NEK8: variants seen among roughly 807,000 people sequenced by gnomAD.
NEK8 encodes NIMA related kinase 8.
Under a neutral mutation model 77.2 loss-of-function variants are expected in NEK8, and 51 were observed. The observed-to-expected ratio is 0.66, with a 90% CI of 0.53 to 0.83. NEK8 has a LOEUF of 0.83. Among genes scored for constraint, NEK8 ranks in the 40% least tolerant of loss-of-function variants. NEK8 has a pLI of 0.00. For missense variants in NEK8, 787 were observed against 909.2 expected (o/e 0.87, Z 1.73); for synonymous variants, 365 against 363.2 (o/e 1.00, Z -0.06).
rs763288569 is a variant in NEK8 at position 28,741,445 on chromosome 17, C to T, written c.1924C>T (p.Arg642Ter). ...AGTGTACTCTTGGGGCAAAGGGGCG[C>T]GAGGTCGATTGGGAAGGAGGGATGA... is the stretch of plus-strand genomic sequence containing the variant. The part of the protein sequence containing the change: ...SEVYSWGKGA[R>*]GRLGRRDEDA... The change falls in exon 14 of 15, where the codon CGA (arginine) becomes TGA (stop). Residue 642 changes from arginine (R) to a stop codon, truncating the protein, a stop_gained. Coordinates refer to ENST00000268766, the MANE Select transcript of NEK8 (RefSeq NM_178170.3). LOFTEE classifies it high-confidence loss of function. The surrounding 1 kb of genome is among the most constrained non-coding windows in gnomAD (Gnocchi z 4.5). The T allele has an allele frequency of 4.3e-6, 7 of 1,613,932 alleles. No homozygotes were observed. In the East Asian group the frequency reaches 6.7e-5, roughly 15 times the overall value.
chr17:28,741,609 G>C lies in NEK8; in HGVS notation c.2050+38G>C, dbSNP rs576349726. 1.9e-6 allele frequency: 3 copies of C among 1,609,862 alleles called. No individual in the cohort carries two copies. The highest frequency in any genetic ancestry group is 2.2e-5 in the East Asian group (1 of 44,874). Reference sequence around the variant, plus strand: ...TTTTCCCACTTCACCACACAGCCCAGCTGGCCCCTGTCCACACTCCCATCC... The same window carrying C: ...TTTTCCCACTTCACCACACAGCCCACCTGGCCCCTGTCCACACTCCCATCC... On this transcript the variant is annotated intron_variant, in intron 14 of 14. Coordinates refer to ENST00000268766, the MANE Select transcript of NEK8 (RefSeq NM_178170.3). The surrounding 1 kb of genome is among the most constrained non-coding windows in gnomAD (Gnocchi z 4.5).
rs766436315 is a variant in NEK8, at chr17:28,741,279, T to TG, written c.1891+49dup. ...TGGGGGCAGACAGTGCCATGAGCAG[T>TG]GGGGGGTGGGGGTTGCTATTCAGGG... On this transcript the variant is annotated intron_variant, in intron 13 of 14. Transcript: ENST00000268766. This position sits in a 1 kb window ranked among gnomAD's most constrained non-coding sequence, Gnocchi z 4.5. The TG allele has an allele frequency of 3.6e-6, 5 of 1,395,260 alleles. No homozygotes were observed. Among genetic ancestry groups the TG allele is most frequent in the Non-Finnish European group, 3.9e-6 (4 of 1,014,208 alleles). The allele number at this position is 1,395,260 out of a possible 1,614,324, so 86.4% of individuals were successfully genotyped here.
At chr17:28,728,918 T>C (rs1057187855) in intron 1 of NEK8, 58 bp downstream of exon 1, 1 of 1,463,390 alleles carries the variant, frequency 6.8e-7, no homozygotes, top group Non-Finnish European at 9.4e-7. Flanking sequence ...AAGCCCCAAT[T>C]CCGCCCGCGA....
At chr17:28,728,968 C>T (rs2034278431) in intron 1 of NEK8, 108 bp downstream of exon 1, 2 of 1,066,160 alleles carry the variant, frequency 1.9e-6, no homozygotes, top group Admixed American at 4.0e-5. Flanking sequence ...GCGTGAGCGC[C>T]ACTCTGGGAA....
At chr17:28,736,461 A>C (rs923771753) in intron 4 of NEK8, among the ~76,000 whole-genome samples, 5 of 152,188 alleles carry the variant, frequency 3.3e-5, no homozygotes, top group Non-Finnish European at 5.9e-5. Context: ...TTTAAAGATC[A>C]CCATTCTAAC....
rs1371621146 is a variant in NEK8 at position 28,734,426 on chromosome 17, T to C, written c.253+238T>C. On this transcript the variant is annotated intron_variant, in intron 2 of 14. Coordinates refer to ENST00000268766, the MANE Select transcript of NEK8 (RefSeq NM_178170.3). ...GGCTCATGCCTGTAATCTCAGCACTTTGGGAGGCCAACGCCGAGGCGGGCG... is the reference window on the plus strand; with the variant it reads ...GGCTCATGCCTGTAATCTCAGCACTCTGGGAGGCCAACGCCGAGGCGGGCG... 5.1e-6 allele frequency: 3 copies of C among 585,134 alleles called. No homozygotes were observed. The African/African-American group carries it at 5.6e-5, about 11-fold the overall frequency. The allele number at this position is 585,134 out of a possible 1,614,324, so 36.2% of individuals were successfully genotyped here.
At chr17:28,732,441 A>G (rs565895541) in intron 1 of NEK8, among the ~76,000 whole-genome samples, 1 of 152,022 alleles carries the variant, frequency 6.6e-6, no homozygotes, top group Non-Finnish European at 1.5e-5. Context: ...GGCTGTAGAG[A>G]GGGCACAGAG....
In NEK8 at chr17:28,741,602, C is replaced by T. The variant is rs760788445; in HGVS notation, c.2050+31C>T. On this transcript the variant is annotated intron_variant, in intron 14 of 14. Coordinates refer to ENST00000268766, the MANE Select transcript of NEK8 (RefSeq NM_178170.3). This position sits in a 1 kb window ranked among gnomAD's most constrained non-coding sequence, Gnocchi z 4.5. ...TTGTAACTTTTCCCACTTCACCACA[C>T]AGCCCAGCTGGCCCCTGTCCACACT... The T allele has an allele frequency of 6.2e-7, 1 of 1,612,648 alleles. No individual in the cohort carries two copies. The highest frequency in any genetic ancestry group is 8.5e-7 in the Non-Finnish European group (1 of 1,179,204).
Position 28,741,111 on chromosome 17 carries a change from A to ACTTTTG in NEK8, c.1766_1767insCTTTTG (p.Gln589delinsHisPheTrp). The ACTTTTG allele has an allele frequency of 6.2e-7, 1 of 1,614,200 alleles. No individual in the cohort carries two copies. Among genetic ancestry groups the ACTTTTG allele is most frequent in the Non-Finnish European group, 8.5e-7 (1 of 1,180,036 alleles). On this transcript the variant is annotated protein_altering_variant, in exon 13 of 15. Coordinates refer to ENST00000268766, the MANE Select transcript of NEK8 (RefSeq NM_178170.3). The surrounding 1 kb of genome is among the most constrained non-coding windows in gnomAD (Gnocchi z 4.5). ...GATTGCTACACTTTTGGCAGCAATCAGCACGGACAGTTGGGCACCAATACT... is the reference window on the plus strand; with the variant it reads ...GATTGCTACACTTTTGGCAGCAATCACTTTTGGCACGGACAGTTGGGCACCAATACT...
rs1333434155 is a variant in NEK8 at position 28,742,774 on chromosome 17, A to C, written c.*787A>C. On this transcript the variant is annotated 3_prime_UTR_variant, in exon 15 of 15. Transcript: ENST00000268766. The stretch of plus-strand genomic sequence containing the variant: ...GACCGCTGTCTCCACCAAAAAAAAA[A>C]AAAAAGAAGAAAATAAGGCTGGGTG... 6.6e-6 allele frequency: 1 copy of C among 151,692 alleles called. No individual in the cohort carries two copies. The highest frequency in any genetic ancestry group is 1.5e-5 in the Non-Finnish European group (1 of 68,044). The allele number at this position is 151,692 out of a possible 1,614,324, so 9.4% of individuals were successfully genotyped here. A position where few individuals can be genotyped will look rare whatever the true frequency, so the allele number is the denominator to read the frequency against.
At position 28,740,428 on chromosome 17, in the gene NEK8, G is replaced by C; in HGVS notation, c.1418-35G>C. The C allele has an allele frequency of 1.2e-6, 2 of 1,612,202 alleles. No homozygotes were observed. The highest frequency in any genetic ancestry group is 1.7e-6 in the Non-Finnish European group (2 of 1,178,354). ...TCATTCGGGCATCACCCCCACTAAA[G>C]CTCAAATTAACTCCTTCTGGGTTTC... On this transcript the variant is annotated intron_variant, in intron 10 of 14. Coordinates refer to ENST00000268766, the MANE Select transcript of NEK8 (RefSeq NM_178170.3). This position sits in a 1 kb window ranked among gnomAD's most constrained non-coding sequence, Gnocchi z 4.7.
At chr17:28,735,102 T>G in intron 3 of NEK8, 98 bp downstream of exon 3, 2 of 1,526,146 alleles carry the variant, frequency 1.3e-6, no homozygotes, top group Non-Finnish European at 1.8e-6. Context: ...CCTTGGCCCT[T>G]TGGCCCCTGT....
intron 1 of NEK8, among the ~76,000 whole-genome samples, chr17:28,729,700 G>C (rs2034288417): frequency 6.6e-6 from 1 of 151,058 alleles, no homozygotes; most frequent in Non-Finnish European, 1.5e-5. Flanking sequence ...GCGCCACCAT[G>C]CCCAGCTAAT....
In NEK8 at chr17:28,741,122, T is replaced by C. The variant is rs748621074; in HGVS notation, c.1777T>C (p.Leu593=). ...YTFGSNQHGQ[L]GTNTRRGSRA... ...TTTTGGCAGCAATCAGCACGGACAG[T>C]TGGGCACCAATACTCGCCGAGGCAG... Residue 593 remains leucine, a synonymous_variant, in exon 13 of 15, where the codon TTG becomes CTG. Coordinates refer to ENST00000268766, the MANE Select transcript of NEK8 (RefSeq NM_178170.3). This position sits in a 1 kb window ranked among gnomAD's most constrained non-coding sequence, Gnocchi z 4.5. 37 of 1,614,056 alleles carry C rather than the reference T, an allele frequency of 2.3e-5. No individual in the cohort carries two copies. Among genetic ancestry groups the C allele is most frequent in the Non-Finnish European group, 3.0e-5 (35 of 1,180,034 alleles).
Position 28,728,873 on chromosome 17 carries a change from T to C in NEK8, c.47+13T>C, listed in dbSNP as rs1424384126. 2.6e-6 allele frequency: 4 copies of C among 1,548,358 alleles called. No individual in the cohort carries two copies. Among genetic ancestry groups the C allele is most frequent in the South Asian group, 2.4e-5 (2 of 84,008 alleles). On this transcript the variant is annotated intron_variant, in intron 1 of 14. Coordinates refer to ENST00000268766, the MANE Select transcript of NEK8 (RefSeq NM_178170.3). ...GAGGTGCCTTCGGGTGAGCCAGGGC[T>C]CTGGGGGAGGAAACTGCTAGGGGAT...
At chr17:28,731,100 A>G (rs1016979934) in intron 1 of NEK8, among the ~76,000 whole-genome samples, 7 of 152,032 alleles carry the variant, frequency 4.6e-5, no homozygotes, top group African/African-American at 1.4e-4. Context: ...TAAAAATACA[A>G]AATTTAGCTG....
At chr17:28,729,668 G>A (rs1366506544) in intron 1 of NEK8, among the ~76,000 whole-genome samples, 3 of 150,566 alleles carry the variant, frequency 2.0e-5, no homozygotes, top group Admixed American at 1.3e-4. Context: ...TCAGCCTCCC[G>A]AGTAGCTGGG....
intron 1 of NEK8, among the ~76,000 whole-genome samples, chr17:28,733,719 A>G (rs1242652102): frequency 6.6e-6 from 1 of 152,218 alleles, no homozygotes; most frequent in East Asian, 1.9e-4. Flanking sequence ...AAGAGGAGGC[A>G]CCCAGATTTG....
At chr17:28,735,894 T>C (rs1349958414) in intron 4 of NEK8, among the ~76,000 whole-genome samples, 1 of 152,074 alleles carries the variant, frequency 6.6e-6, no homozygotes, top group African/African-American at 2.4e-5. Flanking sequence ...TCATTTAACA[T>C]TAGGTATATC....
Sources: allele counts gnomAD v4.1 joint callset (sites outside exome capture counted in the v4.1 genomes callset), GRCh38; gene constraint gnomAD v4.1.1; non-coding constraint Gnocchi (gnomAD v3.1); transcripts MANE v1.5; gene names NCBI Gene and HGNC (gene_info 2026-07-23, HGNC 2026-07-21).